The following SHC2 variants were observed in gnomAD, a reference collection of about 807,000 sequenced individuals.
SHC2 encodes the protein SHC adaptor protein 2, also known as SHC-transforming protein 2.
SHC2 carries 62 observed loss-of-function variants against 60.6 expected under a neutral mutation model. That is an observed-to-expected ratio of 1.02 (90% CI 0.83 to 1.26). The LOEUF (loss-of-function observed/expected upper bound fraction) is 1.26, where lower values mean the gene tolerates loss of function less well. SHC2 is among the 50% of genes most tolerant of loss of function. The pLI is 0.00. For missense variants in SHC2, 873 were observed against 822.2 expected (o/e 1.06, Z -0.76); for synonymous variants, 375 against 372.4 (o/e 1.01, Z -0.08).
chr19:431,187 G>A (rs10413199), intron 8 of SHC2, among the ~76,000 whole-genome samples: 27,893 of 152,122 alleles, frequency 0.18, 2,657 homozygotes, highest in South Asian at 0.29. Flanking sequence ...AATCATTGCC[G>A]TATTTATTTA....
At position 446,774 on chromosome 19, in the gene SHC2, C is replaced by T. The variant is rs965656934; in HGVS notation, c.469-5842G>A. On this transcript the variant is annotated intron_variant, in intron 1 of 12. Coordinates refer to ENST00000264554, the MANE Select transcript of SHC2 (RefSeq NM_012435.3). This position sits in a 1 kb window ranked among gnomAD's most constrained non-coding sequence, Gnocchi z 5.4. ...GCATGACCCAGAACCCACCCCAGGA[C>T]GTTAAGGGAAGGAGCCACTGTACAA... Among the ~76,000 whole-genome samples the T allele has an allele frequency of 1.3e-5, 2 of 152,100 alleles. No individual in the cohort carries two copies. The highest frequency in any genetic ancestry group is 4.8e-5 in the African/African-American group (2 of 41,428).
rs1350397679 is a variant in SHC2, at chr19:446,673, A to G, written c.469-5741T>C. On this transcript the variant is annotated intron_variant, in intron 1 of 12. Transcript: ENST00000264554. This position sits in a 1 kb window ranked among gnomAD's most constrained non-coding sequence, Gnocchi z 5.4. ...GGCAGCCCCGGGACCCTCCCACAGA[A>G]GATGGGGAGGAGCCCTGGCGGCTTC... 6.6e-6 allele frequency among the ~76,000 whole-genome samples: 1 copy of G among 152,076 alleles called. No homozygotes were observed. The highest frequency in any genetic ancestry group is 1.5e-5 in the Non-Finnish European group (1 of 68,022).
rs192845979 is a variant in SHC2, at chr19:428,907, C to T, written c.1174+1777G>A. Among the ~76,000 whole-genome samples, 616 of 150,630 alleles carry T rather than the reference C, an allele frequency of 4.1e-3. 3 individuals carry two copies. The highest frequency in any genetic ancestry group is 0.014 in the African/African-American group (580 of 40,992). ...GTGTGGATGACGCAGTACCTATATC[C>T]CAACATGCACGGAAACCTCATACCG... On this transcript the variant is annotated intron_variant, in intron 9 of 12. Transcript: ENST00000264554.
rs1167661146 is a variant in SHC2, at chr19:441,669, G to A, written c.469-737C>T. Among the ~76,000 whole-genome samples the A allele has an allele frequency of 6.6e-6, 1 of 152,260 alleles. No individual in the cohort carries two copies. The highest frequency in any genetic ancestry group is 1.5e-5 in the Non-Finnish European group (1 of 68,048). On this transcript the variant is annotated intron_variant, in intron 1 of 12. Coordinates refer to ENST00000264554, the MANE Select transcript of SHC2 (RefSeq NM_012435.3). This position sits in a 1 kb window ranked among gnomAD's most constrained non-coding sequence, Gnocchi z 4.9. ...GAGCATGTGTGGGTGCCAGGAGCCG[G>A]GGAATGAAGGCTGACACGAACAGGT...
At position 425,748 on chromosome 19, in the gene SHC2, G is replaced by C. The variant is rs1485895610; in HGVS notation, c.1175-517C>G. 1.3e-5 allele frequency among the ~76,000 whole-genome samples: 2 copies of C among 152,108 alleles called. No individual in the cohort carries two copies. Among genetic ancestry groups the C allele is most frequent in the Non-Finnish European group, 2.9e-5 (2 of 68,016 alleles). On this transcript the variant is annotated intron_variant, in intron 9 of 12. Coordinates refer to ENST00000264554, the MANE Select transcript of SHC2 (RefSeq NM_012435.3). This position sits in a 1 kb window ranked among gnomAD's most constrained non-coding sequence, Gnocchi z 4.1. ...TGAACGTGTAAAGTGTTTACATGGG[G>C]CCGGGCGTGGTGGCTCACGCCTGTA...
chr19:460,238 G>A (rs980407037), intron 1 of SHC2, among the ~76,000 whole-genome samples: 21 of 151,474 alleles, frequency 1.4e-4, no homozygotes, highest in Non-Finnish European at 2.9e-4. Flanking sequence ...CGCCGCTCTC[G>A]GCCTCGCCCG....
At chr19:458,755 C>CCCGGGGAGGCGGAGGCGGGTT in intron 1 of SHC2, among the ~76,000 whole-genome samples, 1 of 119,430 alleles carries the variant, frequency 8.4e-6, no homozygotes, top group South Asian at 2.6e-4. Context: ...GGAAGCGGGT[C>CCCGGGGAGGCGGAGGCGGGTT]CCGGGGAGGC....
intron 8 of SHC2, among the ~76,000 whole-genome samples, chr19:433,083 A>T (rs71335248): frequency 1.0e-3 from 3 of 2,902 alleles, no homozygotes; most frequent in East Asian, 0.028. Flanking sequence ...TGAGTGAGAG[A>T]TAGAGGAGGC....
Position 436,009 on chromosome 19 carries a change from A to C in SHC2, c.953+156T>G, listed in dbSNP as rs1419150563. On this transcript the variant is annotated intron_variant, in intron 7 of 12. Transcript: ENST00000264554. ...TTTACTCGGGTGTTAACAGCCGAGG[A>C]AACAGGATCCTCTGGCTGAGCCATA... 7 of 791,940 alleles carry C rather than the reference A, an allele frequency of 8.8e-6. No homozygotes were observed. The South Asian group carries it at 1.3e-4, about 15-fold the overall frequency. 49.1% of individuals were successfully genotyped at this position (791,940 alleles called of 1,614,324 possible). A position where few individuals can be genotyped will look rare whatever the true frequency, so the allele number is the denominator to read the frequency against.
At chr19:418,049 T>C (rs1974192754) in intron 12 of SHC2, among the ~76,000 whole-genome samples, 1 of 146,804 alleles carries the variant, frequency 6.8e-6, no homozygotes, top group Non-Finnish European at 1.5e-5. Flanking sequence ...TGCCCCAACC[T>C]CACCCCAGAG....
chr19:443,308 GA>G, intron 1 of SHC2, among the ~76,000 whole-genome samples: 1 of 147,180 alleles, frequency 6.8e-6, no homozygotes, highest in Admixed American at 6.7e-5. Context: ...GTGGGTGGAT[GA>G]GTGGATGGGT....
chr19:427,802 A>AGCACACGGAAGGGGGCG (rs1462191385), intron 9 of SHC2, among the ~76,000 whole-genome samples: 3 of 92,378 alleles, frequency 3.2e-5, no homozygotes, highest in African/African-American at 1.4e-4. Context: ...GACGGCGCAC[A>AGCACACGGAAGGGGGCG]GCACACGGAA....
rs879661046 is a variant in SHC2 at position 440,679 on chromosome 19, G to T, written c.539+183C>A. Among the ~76,000 whole-genome samples the T allele has an allele frequency of 6.9e-4, 105 of 152,180 alleles. 1 individual carries two copies. Among genetic ancestry groups the T allele is most frequent in the Non-Finnish European group, 6.9e-4 (47 of 68,024 alleles). Reference sequence around the variant, plus strand: ...TCGAGGTCTGCAGGGCACGGTGACCGACACCTGGCGTGGGGACAGGGCGGA... The same window carrying T: ...TCGAGGTCTGCAGGGCACGGTGACCTACACCTGGCGTGGGGACAGGGCGGA... On this transcript the variant is annotated intron_variant, in intron 2 of 12. Transcript: ENST00000264554. The surrounding 1 kb of genome is among the most constrained non-coding windows in gnomAD (Gnocchi z 7.0).
intron 1 of SHC2, among the ~76,000 whole-genome samples, chr19:458,180 T>G (rs573153222): frequency 5.0e-5 from 3 of 59,588 alleles, no homozygotes; most frequent in Admixed American, 1.8e-4. Flanking sequence ...GGCAGACGCA[T>G]GTTCCGGGGG....
intron 8 of SHC2, among the ~76,000 whole-genome samples, chr19:431,435 GCA>G (rs1974591285): frequency 1.1e-5 from 1 of 91,900 alleles, no homozygotes; most frequent in Non-Finnish European, 2.1e-5. Context: ...AGGAGGCCGG[GCA>G]GATGGCGCTT....
intron 1 of SHC2, among the ~76,000 whole-genome samples, chr19:452,068 G>A (rs1436983338): frequency 2.7e-4 from 41 of 152,216 alleles, no homozygotes; most frequent in Admixed American, 2.7e-3. Context: ...GCTTCCCGGA[G>A]AGTGGACCCT....
chr19:418,524 G>A (rs568641805), intron 12 of SHC2, among the ~76,000 whole-genome samples: 23 of 152,228 alleles, frequency 1.5e-4, no homozygotes, highest in East Asian at 5.8e-4. Flanking sequence ...TTATCCAGCC[G>A]AGAACAGGAG....
chr19:419,970 C>T (rs1390605479), intron 11 of SHC2: 1 of 152,180 alleles, frequency 6.6e-6, no homozygotes, highest in Non-Finnish European at 1.5e-5. Flanking sequence ...CCTGTGCACA[C>T]TTCACGTGCG....
chr19:424,918 C>T lies in SHC2; in HGVS notation c.1309+179G>A, dbSNP rs1373302043. ...GGACACCCCCATCAGACAAGGCCTC[C>T]GACAGGAGACAGACTGGGCTTCCCC... is the stretch of plus-strand genomic sequence containing the variant. On this transcript the variant is annotated intron_variant, in intron 10 of 12. Coordinates refer to ENST00000264554, the MANE Select transcript of SHC2 (RefSeq NM_012435.3). The surrounding 1 kb of genome is among the most constrained non-coding windows in gnomAD (Gnocchi z 4.5). Among the ~76,000 whole-genome samples, 1 of 152,186 alleles carries T rather than the reference C, an allele frequency of 6.6e-6. No homozygotes were observed. Among genetic ancestry groups the T allele is most frequent in the Non-Finnish European group, 1.5e-5 (1 of 68,028 alleles).
Sources: gnomAD v4.1 joint callset for allele counts (sites outside exome capture counted in the v4.1 genomes callset) on GRCh38, gnomAD v4.1.1 for gene constraint, Gnocchi (gnomAD v3.1) non-coding constraint, MANE v1.5 for transcripts, NCBI Gene and HGNC (gene_info 2026-07-23, HGNC 2026-07-21) for gene names.